FGF14: variants seen among roughly 807,000 people sequenced by gnomAD.
The protein encoded by FGF14 is fibroblast growth factor 14.
FGF14 carries 5 observed loss-of-function variants against 25.5 expected under a neutral mutation model. The ratio of observed to expected loss-of-function variants is 0.20; its 90% CI spans 0.10 to 0.41. The LOEUF (loss-of-function observed/expected upper bound fraction) is 0.41, where lower values mean the gene tolerates loss of function less well. Ranked by LOEUF, FGF14 falls within the 10% of genes least tolerant of loss-of-function variation. FGF14 has a pLI of 1.00. For missense variants in FGF14, 222 were observed against 320.1 expected (o/e 0.69, Z 2.34); for synonymous variants, 138 against 118.3 (o/e 1.17, Z -1.08).
intron 1 of FGF14, among the ~76,000 whole-genome samples, chr13:102,174,943 A>C (rs1390930572): frequency 6.6e-6 from 1 of 152,130 alleles, no homozygotes; most frequent in East Asian, 1.9e-4. Context: ...AAAAAAAAAG[A>C]AATTGTAACT....
intron 1 of FGF14, among the ~76,000 whole-genome samples, chr13:102,350,432 T>C (rs1000017712): frequency 6.6e-6 from 1 of 151,964 alleles, no homozygotes; most frequent in Non-Finnish European, 1.5e-5. Flanking sequence ...ATCCATCAGC[T>C]TCACAGAAAT....
intron 1 of FGF14, among the ~76,000 whole-genome samples, chr13:102,030,849 G>A (rs2139933142): frequency 6.6e-6 from 1 of 152,124 alleles, no homozygotes; most frequent in Non-Finnish European, 1.5e-5. Flanking sequence ...TATTCTCAAT[G>A]GAAAATATGG....
chr13:101,763,882 A>G (rs776838877), intron 3 of FGF14, among the ~76,000 whole-genome samples: 6 of 151,528 alleles, frequency 4.0e-5, no homozygotes, highest in Non-Finnish European at 5.9e-5. Flanking sequence ...AAACAAACAA[A>G]CAAAACTTAA....
chr13:101,823,305 T>A (rs1192691571), intron 3 of FGF14, among the ~76,000 whole-genome samples: 3 of 151,096 alleles, frequency 2.0e-5, no homozygotes, highest in Admixed American at 6.6e-5. Context: ...TTCTTCGTGC[T>A]ATTATTCTAC....
At chr13:102,144,922 C>A (rs2046792243) in intron 1 of FGF14, among the ~76,000 whole-genome samples, 1 of 152,144 alleles carries the variant, frequency 6.6e-6, no homozygotes, top group Non-Finnish European at 1.5e-5. Context: ...GAATACGTTT[C>A]TATTTATCTG....
intron 1 of FGF14, among the ~76,000 whole-genome samples, chr13:102,267,797 A>C (rs1220556864): frequency 6.6e-6 from 1 of 152,174 alleles, no homozygotes; most frequent in Non-Finnish European, 1.5e-5. Context: ...GGGGTAAAAG[A>C]AAATACAAAC....
chr13:102,320,720 A>C (rs147373634), intron 1 of FGF14, among the ~76,000 whole-genome samples: 1 of 152,220 alleles, frequency 6.6e-6, no homozygotes, highest in Non-Finnish European at 1.5e-5. Context: ...GCTGAGCAGC[A>C]TCTATCTACT....
intron 1 of FGF14, among the ~76,000 whole-genome samples, chr13:102,062,930 A>T (rs984371672): frequency 3.9e-5 from 6 of 152,232 alleles, no homozygotes; most frequent in African/African-American, 2.4e-5. Context: ...ATTTTAATCA[A>T]AGCAGTTTTT....
At chr13:102,299,815 G>A (rs1253639604) in intron 1 of FGF14, 2 of 152,076 alleles carry the variant, frequency 1.3e-5, no homozygotes, top group Non-Finnish European at 2.9e-5. Flanking sequence ...AATGCTCTAG[G>A]CCCTAGGAAG....
chr13:102,054,363 C>G (rs1197002042), intron 1 of FGF14, among the ~76,000 whole-genome samples: 1 of 152,118 alleles, frequency 6.6e-6, no homozygotes. Context: ...AATGTTTAGA[C>G]TATACATGTA....
chr13:102,153,475 C>T (rs769846897), intron 1 of FGF14, among the ~76,000 whole-genome samples: 1 of 152,084 alleles, frequency 6.6e-6, no homozygotes, highest in Non-Finnish European at 1.5e-5. Context: ...TTTCCATATG[C>T]AATAGGATGG....
intron 1 of FGF14, among the ~76,000 whole-genome samples, chr13:102,340,465 CA>C (rs778016820): frequency 6.8e-6 from 1 of 147,550 alleles, no homozygotes; most frequent in African/African-American, 2.6e-5. Flanking sequence ...ACACACACGC[CA>C]AAAAAAGAGT....
chr13:102,396,808 T>C (rs943491475), intron 1 of FGF14, among the ~76,000 whole-genome samples: 1 of 152,168 alleles, frequency 6.6e-6, no homozygotes, highest in African/African-American at 2.4e-5. Context: ...AAAAATCTAC[T>C]CTCCCAACAA....
intron 1 of FGF14, among the ~76,000 whole-genome samples, chr13:102,150,041 T>C (rs1269457754): frequency 1.3e-5 from 2 of 152,174 alleles, no homozygotes; most frequent in African/African-American, 4.8e-5. Flanking sequence ...TGTCTTAGAA[T>C]GTGAGTTGAG....
At chr13:102,075,853 T>C (rs2043339702) in intron 1 of FGF14, among the ~76,000 whole-genome samples, 1 of 152,300 alleles carries the variant, frequency 6.6e-6, no homozygotes, top group Non-Finnish European at 1.5e-5. Context: ...TAGGCTAATA[T>C]GTTTCCATCT....
chr13:102,228,432 T>C (rs867067607), intron 1 of FGF14, among the ~76,000 whole-genome samples: 5 of 152,210 alleles, frequency 3.3e-5, no homozygotes, highest in African/African-American at 1.2e-4. Flanking sequence ...GAGGTATTAA[T>C]TGAATAGCAT....
chr13:102,374,205 A>T (rs2057967470), intron 1 of FGF14, among the ~76,000 whole-genome samples: 1 of 152,150 alleles, frequency 6.6e-6, no homozygotes, highest in South Asian at 2.1e-4. Context: ...AGTACAAAGA[A>T]GATGCTGCTA....
intron 1 of FGF14, among the ~76,000 whole-genome samples, chr13:102,102,150 T>G (rs1191579689): frequency 3.9e-5 from 6 of 152,208 alleles, no homozygotes; most frequent in Admixed American, 6.5e-5. Context: ...GCACAAATGA[T>G]CATATATGTA....
At chr13:101,908,748 T>C (rs1566416353) in intron 1 of FGF14, among the ~76,000 whole-genome samples, 2 of 152,134 alleles carry the variant, frequency 1.3e-5, no homozygotes, top group Admixed American at 1.3e-4. Flanking sequence ...TACTTTAAAG[T>C]TCATGTGGAA....
Sources: gnomAD v4.1 joint callset for allele counts (sites outside exome capture counted in the v4.1 genomes callset) on GRCh38, gnomAD v4.1.1 for gene constraint, MANE v1.5 for transcripts, NCBI Gene and HGNC (gene_info 2026-07-23, HGNC 2026-07-21) for gene names.